RBFOX1: variants seen among roughly 807,000 people sequenced by gnomAD.
RBFOX1 encodes RNA binding fox-1 homolog 1, also known as RNA binding protein fox-1 homolog 1.
A neutral mutation model predicts 57.7 loss-of-function variants in RBFOX1; 8 were observed. The observed-to-expected ratio is 0.14, with a 90% CI of 0.08 to 0.25. The LOEUF (loss-of-function observed/expected upper bound fraction) is 0.25, where lower values mean the gene tolerates loss of function less well. Among genes scored for constraint, RBFOX1 ranks in the 10% least tolerant of loss-of-function variants. The pLI is 1.00. For missense variants in RBFOX1, 611 were observed against 548.5 expected, an observed-to-expected ratio of 1.11 and a Z score of -1.14; for synonymous variants, 326 against 222.4, an observed-to-expected ratio of 1.47 and a Z score of -4.15.
intron 3 of RBFOX1, among the ~76,000 whole-genome samples, chr16:6,818,901 G>C (rs116650664): frequency 6.6e-6 from 1 of 152,204 alleles, no homozygotes; most frequent in Admixed American, 6.5e-5. Flanking sequence ...AAAGAGACTC[G>C]ATTTCCTCTG....
At chr16:6,868,538 A>C (rs959689403) in intron 3 of RBFOX1, among the ~76,000 whole-genome samples, 1 of 151,906 alleles carries the variant, frequency 6.6e-6, no homozygotes, top group Non-Finnish European at 1.5e-5. Context: ...GTAGTATGAT[A>C]ACGGCTCACT....
intron 2 of RBFOX1, among the ~76,000 whole-genome samples, chr16:5,553,652 C>A (rs57670311): frequency 7.4e-6 from 1 of 134,832 alleles, no homozygotes; most frequent in East Asian, 2.2e-4. Context: ...TAAGCTAAAA[C>A]CATCAGATAG....
At chr16:5,800,905 C>T (rs921741980) in intron 3 of RBFOX1, among the ~76,000 whole-genome samples, 19 of 152,080 alleles carry the variant, frequency 1.2e-4, no homozygotes, top group Admixed American at 2.6e-4. Context: ...TTTAAAACTT[C>T]CCTGCCACAT....
intron 10 of RBFOX1, chr16:7,614,648 G>A (rs1439670714): frequency 6.6e-6 from 1 of 152,164 alleles, no homozygotes; most frequent in East Asian, 1.9e-4. Context: ...TATGGGAAGC[G>A]AATGAGGTTT....
intron 3 of RBFOX1, among the ~76,000 whole-genome samples, chr16:5,787,854 A>G (rs185820834): frequency 1.3e-5 from 2 of 152,328 alleles, no homozygotes; most frequent in East Asian, 3.9e-4. Flanking sequence ...GGAAGAATGC[A>G]TTGCAATTGC....
At chr16:7,142,903 C>T (rs8060891) in intron 4 of RBFOX1, among the ~76,000 whole-genome samples, 3 of 124,856 alleles carry the variant, frequency 2.4e-5, no homozygotes, top group African/African-American at 8.0e-5. Context: ...GCAGACACAT[C>T]TGCAGAGTAT....
chr16:6,235,942 A>G (rs1012422010), intron 1 of RBFOX1, among the ~76,000 whole-genome samples: 22 of 152,158 alleles, frequency 1.4e-4, no homozygotes, highest in Non-Finnish European at 2.8e-4. Flanking sequence ...CCAAAATCTC[A>G]CAAATCACCA....
intron 4 of RBFOX1, among the ~76,000 whole-genome samples, chr16:7,124,542 T>TCTCCCTGCCTCC (rs2067984114): frequency 1.2e-5 from 1 of 81,544 alleles, no homozygotes; most frequent in Non-Finnish European, 2.3e-5. Flanking sequence ...TCCTTCCCTC[T>TCTCCCTGCCTCC]CTCCCTCCCT....
intron 2 of RBFOX1, among the ~76,000 whole-genome samples, chr16:5,581,761 G>A (rs1052621447): frequency 1.3e-5 from 2 of 152,172 alleles, no homozygotes; most frequent in Non-Finnish European, 2.9e-5. Context: ...TCATGACAGG[G>A]GCCAGAGTAG....
chr16:7,098,127 A>G (rs953078853), intron 4 of RBFOX1, among the ~76,000 whole-genome samples: 1 of 152,194 alleles, frequency 6.6e-6, no homozygotes, highest in Non-Finnish European at 1.5e-5. Flanking sequence ...CAATTAGTTA[A>G]TGGAAGATGG....
intron 3 of RBFOX1, among the ~76,000 whole-genome samples, chr16:6,939,328 A>T (rs1249809575): frequency 6.6e-6 from 1 of 152,040 alleles, no homozygotes; most frequent in Non-Finnish European, 1.5e-5. Context: ...AATTACCTAG[A>T]GTCACAAATA....
chr16:5,502,495 C>G (rs181207423), intron 2 of RBFOX1, among the ~76,000 whole-genome samples: 1 of 152,192 alleles, frequency 6.6e-6, no homozygotes, highest in Non-Finnish European at 1.5e-5. Context: ...AAGCCCCCTG[C>G]TCTGCTTCTC....
At chr16:6,626,795 ATAAAG>A (rs1031049943) in intron 2 of RBFOX1, among the ~76,000 whole-genome samples, 3 of 142,754 alleles carry the variant, frequency 2.1e-5, no homozygotes, top group Admixed American at 7.3e-5. Flanking sequence ...TAGAAATAAA[ATAAAG>A]TATAGAATTC....
At chr16:6,621,599 C>A (rs191844855) in intron 2 of RBFOX1, among the ~76,000 whole-genome samples, 16 of 152,248 alleles carry the variant, frequency 1.1e-4, no homozygotes, top group Non-Finnish European at 2.1e-4. Context: ...TTCTCAGGTA[C>A]CAGGGACTAG....
chr16:6,647,949 C>G (rs1352843676), intron 2 of RBFOX1, among the ~76,000 whole-genome samples: 1 of 152,118 alleles, frequency 6.6e-6, no homozygotes, highest in Non-Finnish European at 1.5e-5. Context: ...TTAAGTGATT[C>G]TCGTGCGTCA....
At chr16:5,315,158 G>T (rs1279286359) in intron 1 of RBFOX1, among the ~76,000 whole-genome samples, 1 of 152,164 alleles carries the variant, frequency 6.6e-6, no homozygotes, top group African/African-American at 2.4e-5. Context: ...CACGTTGTTG[G>T]TGGAGTCTGT....
chr16:7,083,678 C>A (rs1202105337), intron 4 of RBFOX1, among the ~76,000 whole-genome samples: 3 of 152,168 alleles, frequency 2.0e-5, no homozygotes, highest in African/African-American at 7.2e-5. Flanking sequence ...TTATCCCTAT[C>A]AGGCAAAATG....
intron 1 of RBFOX1, among the ~76,000 whole-genome samples, chr16:5,451,428 A>G (rs1412834871): frequency 6.6e-6 from 1 of 152,186 alleles, no homozygotes; most frequent in African/African-American, 2.4e-5. Flanking sequence ...TAAAAAAGCA[A>G]TTAGTCTGCA....
At chr16:6,854,393 G>A (rs1183827738) in intron 3 of RBFOX1, among the ~76,000 whole-genome samples, 1 of 151,894 alleles carries the variant, frequency 6.6e-6, no homozygotes, top group Non-Finnish European at 1.5e-5. Context: ...GCTTATCTAA[G>A]GAATATTTTA....
Sources: allele counts gnomAD v4.1 joint callset (sites outside exome capture counted in the v4.1 genomes callset), GRCh38; gene constraint gnomAD v4.1.1; transcripts MANE v1.5; gene names NCBI Gene and HGNC (gene_info 2026-07-23, HGNC 2026-07-21).